The following RARRES1 variants were observed in gnomAD, a reference collection of about 807,000 sequenced individuals.
RARRES1 encodes the protein retinoic acid receptor responder protein 1.
RARRES1 carries 34 observed loss-of-function variants against 30.6 expected under a neutral mutation model. The ratio of observed to expected loss-of-function variants is 1.11; its 90% CI spans 0.84 to 1.48. RARRES1 has a LOEUF of 1.48. RARRES1 is among the 40% of genes most tolerant of loss of function. The pLI, the probability that RARRES1 is intolerant of heterozygous loss-of-function variation, is 0.00. For missense variants in RARRES1, 373 were observed against 386.5 expected, an observed-to-expected ratio of 0.97 and a Z score of 0.29; for synonymous variants, 153 against 155.5, an observed-to-expected ratio of 0.98 and a Z score of 0.12.
At chr3:158,702,120 C>T (rs1411650368) in intron 4 of RARRES1, among the ~76,000 whole-genome samples, 3 of 152,162 alleles carry the variant, frequency 2.0e-5, no homozygotes, top group South Asian at 2.1e-4. Flanking sequence ...TCACTGCAAC[C>T]TCCGCCTCCC....
rs1271852940 is a variant in RARRES1, at chr3:158,732,318, G to C, written c.98C>G (p.Pro33Arg). The change falls in exon 1 of 6, where the codon CCG (proline) becomes CGG (arginine). Residue 33 changes from proline (P) to arginine (R), a missense_variant. By Grantham distance (103) the Pro-to-Arg change is moderately radical. Coordinates refer to ENST00000237696, the MANE Select transcript of RARRES1 (RefSeq NM_206963.2). Reference protein sequence around the residue: ...PLLALLLLLAPVAAPAGSGDP... With the variant: ...PLLALLLLLARVAAPAGSGDP... ...CCCGGACCCCGCGGGCGCCGCCACC[G>C]GGGCGAGCAACAGCAGCAGCGCGAG... 7.4e-7 allele frequency: 1 copy of C among 1,357,300 alleles called. No homozygotes were observed. Among genetic ancestry groups the C allele is most frequent in the South Asian group, 1.8e-5 (1 of 54,710 alleles). The allele number at this position is 1,357,300 out of a possible 1,614,324, so 84.1% of individuals were successfully genotyped here.
intron 3 of RARRES1, among the ~76,000 whole-genome samples, chr3:158,706,909 C>G (rs1726942315): frequency 6.6e-6 from 1 of 152,182 alleles, no homozygotes; most frequent in Admixed American, 6.5e-5. Flanking sequence ...TGGCTCACGC[C>G]TGTAATCCCA....
intron 4 of RARRES1, 63 bp from the exon 5 acceptor site, chr3:158,698,033 A>G (rs559809952): frequency 2.1e-4 from 248 of 1,188,410 alleles, no homozygotes; most frequent in Non-Finnish European, 2.8e-4. Context: ...TAACTATACA[A>G]TACATTCTTG....
chr3:158,721,182 G>C (rs1290140602), intron 1 of RARRES1, among the ~76,000 whole-genome samples: 1 of 152,194 alleles, frequency 6.6e-6, no homozygotes, highest in African/African-American at 2.4e-5. Context: ...GAAGCGAGCA[G>C]ACCAGCCTGG....
chr3:158,703,671 C>T (rs1726810806), intron 4 of RARRES1, among the ~76,000 whole-genome samples: 1 of 152,120 alleles, frequency 6.6e-6, no homozygotes. Context: ...GTTCTCAGTC[C>T]TCATCTTACT....
intron 4 of RARRES1, among the ~76,000 whole-genome samples, chr3:158,703,859 A>G (rs567268114): frequency 6.6e-6 from 1 of 152,180 alleles, no homozygotes; most frequent in Admixed American, 6.5e-5. Flanking sequence ...TTTAAATACT[A>G]TATGGTGACA....
At chr3:158,713,306 G>T (rs1727205685) in intron 2 of RARRES1, among the ~76,000 whole-genome samples, 1 of 152,150 alleles carries the variant, frequency 6.6e-6, no homozygotes, top group South Asian at 2.1e-4. Context: ...AACATGGTCC[G>T]CTTGGTCAAA....
intron 1 of RARRES1, among the ~76,000 whole-genome samples, chr3:158,715,998 A>G (rs1159977852): frequency 6.6e-6 from 1 of 152,216 alleles, no homozygotes; most frequent in African/African-American, 2.4e-5. Flanking sequence ...TAAGCCTTGA[A>G]TGGGTCGCTG....
chr3:158,711,035 T>C, intron 2 of RARRES1, 102 bp from the exon 3 acceptor site: 1 of 929,192 alleles, frequency 1.1e-6, no homozygotes, highest in African/African-American at 1.7e-5. Context: ...AGGCAGGCTC[T>C]GGCATCAATA....
intron 3 of RARRES1, 69 bp downstream of exon 3, chr3:158,710,669 A>G: frequency 1.4e-6 from 2 of 1,416,986 alleles, no homozygotes; most frequent in Non-Finnish European, 1.9e-6. Context: ...AACTTAAATG[A>G]TCTTTCTTTT....
At chr3:158,731,791 A>G (rs1727896609) in intron 1 of RARRES1, among the ~76,000 whole-genome samples, 1 of 152,248 alleles carries the variant, frequency 6.6e-6, no homozygotes, top group South Asian at 2.1e-4. Flanking sequence ...GTACCTCCGG[A>G]CAAAATTAAA....
intron 1 of RARRES1, among the ~76,000 whole-genome samples, chr3:158,715,877 A>G (rs1037882357): frequency 1.3e-5 from 2 of 152,166 alleles, no homozygotes; most frequent in Non-Finnish European, 2.9e-5. Context: ...GTACCTGCCA[A>G]TGTGGGAGGA....
rs374695319 is a variant in RARRES1 at position 158,701,353 on chromosome 3, GTCTT to G, written c.673-3387_673-3384del. 7.3e-4 allele frequency among the ~76,000 whole-genome samples: 110 copies of G among 151,476 alleles called. No homozygotes were observed. The East Asian group carries it at 8.9e-3, about 12-fold the overall frequency. On this transcript the variant is annotated intron_variant, in intron 4 of 5. Coordinates refer to ENST00000237696, the MANE Select transcript of RARRES1 (RefSeq NM_206963.2). ...TGTCTTACTTTATATTTGCATTTCA[GTCTT>G]TCTTTTTTTTTTTTGCACACTCTTC...
intron 1 of RARRES1, among the ~76,000 whole-genome samples, chr3:158,724,486 T>A (rs1384674367): frequency 6.6e-6 from 1 of 152,158 alleles, no homozygotes; most frequent in Non-Finnish European, 1.5e-5. Flanking sequence ...TGCTGTTTGC[T>A]TTGATGGAGG....
chr3:158,718,093 C>T (rs1727383912), intron 1 of RARRES1, among the ~76,000 whole-genome samples: 2 of 151,786 alleles, frequency 1.3e-5, no homozygotes, highest in African/African-American at 4.8e-5. Context: ...ATTCTCCTGC[C>T]TCAGTCTCCC....
At chr3:158,730,802 A>G (rs1727859607) in intron 1 of RARRES1, among the ~76,000 whole-genome samples, 1 of 147,990 alleles carries the variant, frequency 6.8e-6, no homozygotes. Context: ...TTTTATTTTG[A>G]GAGGGAGTTT....
In RARRES1 at chr3:158,697,803, A is replaced by G. The variant is rs770816907; in HGVS notation, c.760T>C (p.Leu254=). Residue 254 remains leucine, a synonymous_variant, in exon 6 of 6, where the codon TTG becomes CTG. Coordinates refer to ENST00000237696, the MANE Select transcript of RARRES1 (RefSeq NM_206963.2). ...TQEIIPCRIH[L]VWYPGKPLKV... is the part of the protein sequence containing the mutation. ...AGAGGTTTGCCAGGGTACCAGACCA[A>G]GTGAATGCGACAGGGAATTATTTCC... 15 of 1,610,546 alleles carry G rather than the reference A, an allele frequency of 9.3e-6. No individual in the cohort carries two copies. Among genetic ancestry groups the G allele is most frequent in the East Asian group, 2.2e-5 (1 of 44,860 alleles).
intron 1 of RARRES1, among the ~76,000 whole-genome samples, chr3:158,731,510 C>T (rs1448730904): frequency 6.6e-6 from 1 of 152,214 alleles, no homozygotes; most frequent in East Asian, 1.9e-4. Flanking sequence ...CTCATTCATT[C>T]GGTTCATATA....
intron 4 of RARRES1, among the ~76,000 whole-genome samples, chr3:158,699,071 A>G (rs1417053149): frequency 6.6e-6 from 1 of 152,144 alleles, no homozygotes; most frequent in East Asian, 1.9e-4. Flanking sequence ...ACTCTGTCCA[A>G]GTGTCTTGAA....
Sources: allele counts gnomAD v4.1 joint callset (sites outside exome capture counted in the v4.1 genomes callset), GRCh38; gene constraint gnomAD v4.1.1; transcripts MANE v1.5; gene names NCBI Gene and HGNC (gene_info 2026-07-23, HGNC 2026-07-21).